CNTN5: variants seen among roughly 807,000 people sequenced by gnomAD.
CNTN5 encodes contactin 5, also known as contactin-5.
CNTN5 carries 77 observed loss-of-function variants against 129.1 expected under a neutral mutation model. That is an observed-to-expected ratio of 0.60 (90% CI 0.50 to 0.72). CNTN5 has a LOEUF of 0.72. CNTN5 is among the 30% of genes least tolerant of loss of function. The probability of loss-of-function intolerance (pLI) is 0.00; values close to 1 mark genes in which losing one functional copy is unlikely to be tolerated. For missense variants in CNTN5, 1,478 were observed against 1,328.8 expected (o/e 1.11, Z -1.75); for synonymous variants, 509 against 465.6 (o/e 1.09, Z -1.20).
intron 13 of CNTN5, among the ~76,000 whole-genome samples, chr11:100,110,206 G>C (rs1217457505): frequency 7.0e-6 from 1 of 142,130 alleles, no homozygotes; most frequent in Non-Finnish European, 1.5e-5. Context: ...AAAAAGAAAA[G>C]AAAAAGAAAA....
intron 8 of CNTN5, among the ~76,000 whole-genome samples, chr11:99,990,869 C>A (rs911685041): frequency 1.3e-5 from 2 of 152,072 alleles, no homozygotes; most frequent in South Asian, 4.1e-4. Flanking sequence ...GATTTCTAAA[C>A]CCTCAAGAAC....
At chr11:99,640,337 A>G (rs978950872) in intron 3 of CNTN5, among the ~76,000 whole-genome samples, 5 of 152,238 alleles carry the variant, frequency 3.3e-5, no homozygotes, top group African/African-American at 9.6e-5. Flanking sequence ...AATTGGACTT[A>G]TAGTTCCATA....
At chr11:99,974,367 C>T (rs1287083269) in intron 8 of CNTN5, among the ~76,000 whole-genome samples, 1 of 152,174 alleles carries the variant, frequency 6.6e-6, no homozygotes, top group Non-Finnish European at 1.5e-5. Flanking sequence ...AGCTACAGAT[C>T]TAACTCACGG....
chr11:99,194,340 T>C (rs1011820260), intron 1 of CNTN5, among the ~76,000 whole-genome samples: 2 of 152,030 alleles, frequency 1.3e-5, no homozygotes, highest in African/African-American at 4.8e-5. Context: ...AAAGATGAGA[T>C]AAAAACCTTA....
At chr11:100,072,556 TACTC>T (rs2137878262) in intron 12 of CNTN5, among the ~76,000 whole-genome samples, 1 of 152,352 alleles carries the variant, frequency 6.6e-6, no homozygotes. Context: ...TAAAGAAAGA[TACTC>T]ACTCATTGTC....
chr11:99,398,855 C>G (rs776883346), intron 2 of CNTN5, among the ~76,000 whole-genome samples: 1 of 151,730 alleles, frequency 6.6e-6, no homozygotes, highest in Non-Finnish European at 1.5e-5. Context: ...TCACCTCTCT[C>G]CCTCCTACAA....
intron 9 of CNTN5, among the ~76,000 whole-genome samples, chr11:100,057,299 G>A (rs1370949993): frequency 6.7e-6 from 1 of 148,708 alleles, no homozygotes; most frequent in Non-Finnish European, 1.5e-5. Context: ...TTTAAAAACA[G>A]AAACTCATGA....
intron 2 of CNTN5, among the ~76,000 whole-genome samples, chr11:99,462,360 C>CTTTTTTTTTTT (rs72276833): frequency 5.9e-4 from 74 of 125,256 alleles, no homozygotes; most frequent in East Asian, 1.8e-3. Context: ...CTTTTCTTTT[C>CTTTTTTTTTTT]TTTTTTTTTT....
chr11:100,173,526 G>A (rs966070305), intron 13 of CNTN5, among the ~76,000 whole-genome samples: 2 of 152,138 alleles, frequency 1.3e-5, no homozygotes. Context: ...CCACCGTTTA[G>A]AAAGGCAAGA....
chr11:99,759,417 C>G (rs76742233), intron 3 of CNTN5, among the ~76,000 whole-genome samples: 10 of 151,928 alleles, frequency 6.6e-5, no homozygotes, highest in Admixed American at 4.0e-4. Context: ...TCTGCTGAAA[C>G]AAATCTATAT....
intron 13 of CNTN5, among the ~76,000 whole-genome samples, chr11:100,085,420 A>G (rs772191938): frequency 4.6e-5 from 7 of 152,122 alleles, no homozygotes; most frequent in Admixed American, 6.6e-5. Flanking sequence ...CACATGGTCT[A>G]TGAACAGTTA....
At chr11:99,627,339 G>T (rs897780918) in intron 3 of CNTN5, among the ~76,000 whole-genome samples, 1 of 151,952 alleles carries the variant, frequency 6.6e-6, no homozygotes, top group African/African-American at 2.4e-5. Flanking sequence ...TTTTCTTAAT[G>T]AAAATTTGAC....
At chr11:99,588,926 A>C (rs1949892250) in intron 3 of CNTN5, among the ~76,000 whole-genome samples, 1 of 152,184 alleles carries the variant, frequency 6.6e-6, no homozygotes, top group African/African-American at 2.4e-5. Context: ...AAAAGTAATT[A>C]ATTATATGAA....
At chr11:99,799,482 TCTTC>T (rs2135473327) in intron 3 of CNTN5, among the ~76,000 whole-genome samples, 1 of 152,140 alleles carries the variant, frequency 6.6e-6, no homozygotes, top group South Asian at 2.1e-4. Context: ...TATCAAATGC[TCTTC>T]CTTGTCTTTT....
At chr11:99,857,765 A>G (rs897323359) in intron 6 of CNTN5, among the ~76,000 whole-genome samples, 1 of 152,158 alleles carries the variant, frequency 6.6e-6, no homozygotes. Flanking sequence ...TGTGATCCTA[A>G]GTGCAGAGAG....
At chr11:99,677,978 A>G (rs540386406) in intron 3 of CNTN5, among the ~76,000 whole-genome samples, 1 of 152,140 alleles carries the variant, frequency 6.6e-6, no homozygotes, top group African/African-American at 2.4e-5. Flanking sequence ...CAGATTTCCA[A>G]CTATTATGCT....
intron 4 of CNTN5, among the ~76,000 whole-genome samples, chr11:99,837,204 A>G (rs778763123): frequency 2.2e-4 from 33 of 152,196 alleles, no homozygotes; most frequent in Non-Finnish European, 4.6e-4. Flanking sequence ...ATGATGATAT[A>G]CAGTTCAATG....
At chr11:99,968,656 C>CTTTTTTTTTTTTTTT (rs71050037) in intron 8 of CNTN5, among the ~76,000 whole-genome samples, 3 of 73,910 alleles carry the variant, frequency 4.1e-5, no homozygotes, top group East Asian at 5.5e-4. Flanking sequence ...GCTTTGGGTA[C>CTTTTTTTTTTTTTTT]TTTTTTTTTT....
At chr11:99,734,285 G>C (rs968200561) in intron 3 of CNTN5, among the ~76,000 whole-genome samples, 3 of 151,988 alleles carry the variant, frequency 2.0e-5, no homozygotes, top group African/African-American at 7.3e-5. Flanking sequence ...ATAAATTATT[G>C]TTGACTGTAG....
Sources: allele counts gnomAD v4.1 joint callset (sites outside exome capture counted in the v4.1 genomes callset), GRCh38; gene constraint gnomAD v4.1.1; transcripts MANE v1.5; gene names NCBI Gene and HGNC (gene_info 2026-07-23, HGNC 2026-07-21).